TECPR2: variants seen among roughly 807,000 people sequenced by gnomAD.
The protein encoded by TECPR2 is tectonin beta-propeller repeat-containing protein 2.
In TECPR2, 65 loss-of-function variants were observed where a neutral mutation model predicts 138.1. That is an observed-to-expected ratio of 0.47 (90% CI 0.39 to 0.58). TECPR2 has a LOEUF of 0.58. Among genes scored for constraint, TECPR2 ranks in the 20% least tolerant of loss-of-function variants. The pLI is 0.00. For missense variants in TECPR2, 1,553 were observed against 1,824.5 expected, an observed-to-expected ratio of 0.85 and a Z score of 2.71; for synonymous variants, 746 against 749.8, an observed-to-expected ratio of 0.99 and a Z score of 0.08.
At chr14:102,483,464 C>G (rs113281141) in intron 17 of TECPR2, among the ~76,000 whole-genome samples, 2 of 151,456 alleles carry the variant, frequency 1.3e-5, no homozygotes, top group Non-Finnish European at 2.9e-5. Flanking sequence ...GTTTTTGAGA[C>G]GGTCTCTCAC....
At chr14:102,481,255 C>T (rs189061307) in intron 17 of TECPR2, among the ~76,000 whole-genome samples, 3 of 151,902 alleles carry the variant, frequency 2.0e-5, no homozygotes, top group Admixed American at 1.3e-4. Flanking sequence ...CTGCCCGCCT[C>T]GGCCTCCCAA....
intron 17 of TECPR2, among the ~76,000 whole-genome samples, chr14:102,482,866 C>T (rs893542717): frequency 1.8e-5 from 2 of 108,206 alleles, no homozygotes; most frequent in Non-Finnish European, 3.5e-5. Flanking sequence ...TTTTTTGAGA[C>T]GGAGTCTCGC....
Position 102,488,002 on chromosome 14 carries a change from T to C in TECPR2, c.3790-8977T>C, listed in dbSNP as rs368420068. ...GATTACAGGCATGAGCCACCACACCTGGCTAATTTTGTATATTTTTTAGTA... is the reference window on the plus strand; with the variant it reads ...GATTACAGGCATGAGCCACCACACCCGGCTAATTTTGTATATTTTTTAGTA... On this transcript the variant is annotated intron_variant, in intron 17 of 19. Transcript: ENST00000359520. 9.9e-4 allele frequency among the ~76,000 whole-genome samples: 149 copies of C among 150,848 alleles called. 3 individuals are homozygous for C. In the East Asian group the frequency reaches 0.022, roughly 23 times the overall value.
chr14:102,394,956 G>A (rs752732380), intron 2 of TECPR2, among the ~76,000 whole-genome samples: 12 of 151,972 alleles, frequency 7.9e-5, no homozygotes, highest in South Asian at 2.1e-4. Flanking sequence ...CCCTCCTTCC[G>A]CCGTCCTGTC....
At chr14:102,394,662 T>C (rs992820375) in intron 2 of TECPR2, among the ~76,000 whole-genome samples, 4 of 152,284 alleles carry the variant, frequency 2.6e-5, no homozygotes, top group Admixed American at 2.6e-4. Context: ...ATTTGTAAAA[T>C]GTGGCTAACT....
intron 16 of TECPR2, among the ~76,000 whole-genome samples, chr14:102,460,734 G>A (rs1233252734): frequency 5.8e-5 from 8 of 137,844 alleles, no homozygotes; most frequent in African/African-American, 1.7e-4. Flanking sequence ...TCGCTCTGTC[G>A]CCCAGGCTGG....
intron 4 of TECPR2, among the ~76,000 whole-genome samples, 179 bp from the exon 5 acceptor site, chr14:102,414,457 C>G (rs1385181391): frequency 6.6e-6 from 1 of 152,222 alleles, no homozygotes; most frequent in Non-Finnish European, 1.5e-5. Flanking sequence ...CTTTTCCCAT[C>G]CGTCAAATAA....
rs1891427375 is a variant in TECPR2 at position 102,501,168 on chromosome 14, G to A, written c.*2911G>A. ...GGAGCAGAATGGAGAGGGCATCTCA[G>A]ATGCGCTTAAGGAGCGGCGGGGGCG... On this transcript the variant is annotated 3_prime_UTR_variant, in exon 20 of 20. Coordinates refer to ENST00000359520, the MANE Select transcript of TECPR2 (RefSeq NM_014844.5). 6.6e-6 allele frequency: 1 copy of A among 152,226 alleles called. No individual in the cohort carries two copies. The highest frequency in any genetic ancestry group is 6.5e-5 in the Admixed American group (1 of 15,284). 9.4% of individuals were successfully genotyped at this position (152,226 alleles called of 1,614,324 possible).
At position 102,450,684 on chromosome 14, in the gene TECPR2, G is replaced by A. The variant is rs747557464; in HGVS notation, c.3406+35G>A. The A allele has an allele frequency of 1.9e-6, 3 of 1,602,834 alleles. 1 individual carries two copies. In the South Asian group the frequency reaches 3.3e-5, roughly 18 times the overall value. ...TCTTAGCCTCACTGAAGAATCTAGA[G>A]CACAGCTTGGCCATTGGAAAGGTTC... On this transcript the variant is annotated intron_variant, in intron 15 of 19. Coordinates refer to ENST00000359520, the MANE Select transcript of TECPR2 (RefSeq NM_014844.5).
At chr14:102,477,999 G>A (rs1207243209) in intron 17 of TECPR2, among the ~76,000 whole-genome samples, 1 of 146,938 alleles carries the variant, frequency 6.8e-6, no homozygotes, top group Admixed American at 6.8e-5. Flanking sequence ...CTCGTGATCT[G>A]CCCACCTCCC....
chr14:102,370,340 G>A (rs1887468004), intron 1 of TECPR2, among the ~76,000 whole-genome samples: 1 of 152,112 alleles, frequency 6.6e-6, no homozygotes, highest in South Asian at 2.1e-4. Context: ...CAAAGTGCTG[G>A]GATTACACGC....
At chr14:102,468,254 C>T (rs1567354865) in intron 17 of TECPR2, among the ~76,000 whole-genome samples, 1 of 152,212 alleles carries the variant, frequency 6.6e-6, no homozygotes, top group Non-Finnish European at 1.5e-5. Context: ...GTGGCATGAT[C>T]TCAGCTCACT....
At chr14:102,421,091 G>A (rs1404718098) in intron 5 of TECPR2, among the ~76,000 whole-genome samples, 1 of 152,192 alleles carries the variant, frequency 6.6e-6, no homozygotes, top group Admixed American at 6.5e-5. Flanking sequence ...GTTAACATGA[G>A]TGCTTTAGTT....
chr14:102,477,748 T>G (rs11624938), intron 17 of TECPR2, among the ~76,000 whole-genome samples: 128,664 of 128,674 alleles, frequency 1, 64,327 homozygotes, highest in Middle Eastern at 1. Flanking sequence ...TTTATGTTGA[T>G]ACAGGGTTTT....
At chr14:102,459,049 G>A (rs1192059948) in intron 16 of TECPR2, among the ~76,000 whole-genome samples, 1 of 151,220 alleles carries the variant, frequency 6.6e-6, no homozygotes, top group Non-Finnish European at 1.5e-5. Flanking sequence ...AGTGTGTAGG[G>A]ACTTTACAGG....
At chr14:102,453,710 CT>C (rs1366441523) in intron 16 of TECPR2, among the ~76,000 whole-genome samples, 6 of 151,414 alleles carry the variant, frequency 4.0e-5, no homozygotes. Flanking sequence ...TAGGAACTTC[CT>C]GGCTGCAAGG....
chr14:102,377,674 C>A (rs1887676431), intron 2 of TECPR2, among the ~76,000 whole-genome samples: 1 of 152,026 alleles, frequency 6.6e-6, no homozygotes, highest in South Asian at 2.1e-4. Context: ...CCACTGCACT[C>A]CAGCCTGGGT....
intron 5 of TECPR2, among the ~76,000 whole-genome samples, chr14:102,422,967 C>T (rs139035593): frequency 1.2e-4 from 19 of 152,258 alleles, no homozygotes; most frequent in Middle Eastern, 3.4e-3. Context: ...GGTGTCTTAG[C>T]GCCACACATT....
At chr14:102,397,816 G>A (rs1357857506) in intron 2 of TECPR2, among the ~76,000 whole-genome samples, 4 of 151,626 alleles carry the variant, frequency 2.6e-5, no homozygotes, top group Admixed American at 1.3e-4. Flanking sequence ...GGTGGCTTAC[G>A]CCTGTAATCC....
Sources: allele counts gnomAD v4.1 joint callset (sites outside exome capture counted in the v4.1 genomes callset), GRCh38; gene constraint gnomAD v4.1.1; transcripts MANE v1.5; gene names NCBI Gene and HGNC (gene_info 2026-07-23, HGNC 2026-07-21).